EPM2A: variants seen among roughly 807,000 people sequenced by gnomAD.
The protein encoded by EPM2A is laforin.
A neutral mutation model predicts 26.5 loss-of-function variants in EPM2A; 21 were observed. The observed-to-expected ratio is 0.79, with a 90% CI of 0.56 to 1.14. The LOEUF (loss-of-function observed/expected upper bound fraction) is 1.14. EPM2A is among the 50% of genes most tolerant of loss of function. EPM2A has a pLI of 0.00. For synonymous variants in EPM2A, 217 were observed against 177.6 expected (o/e 1.22, Z -1.76); for missense variants, 458 against 440.8 (o/e 1.04, Z -0.35).
chr6:145,458,490 C>G (rs550757664), intron 4 of EPM2A, among the ~76,000 whole-genome samples: 1 of 152,094 alleles, frequency 6.6e-6, no homozygotes, highest in African/African-American at 2.4e-5. Context: ...ATTTATCTCT[C>G]GAGGCATTAG....
chr6:145,571,854 T>A (rs150998316), intron 2 of EPM2A, among the ~76,000 whole-genome samples: 2 of 152,214 alleles, frequency 1.3e-5, no homozygotes, highest in Admixed American at 1.3e-4. Context: ...GAATGGGTCA[T>A]CCTATCCACT....
chr6:145,463,065 A>G (rs1779345988), intron 4 of EPM2A, among the ~76,000 whole-genome samples: 1 of 152,220 alleles, frequency 6.6e-6, no homozygotes, highest in Non-Finnish European at 1.5e-5. Flanking sequence ...TTACATTGTA[A>G]GAATAAATAG....
chr6:145,550,238 A>G (rs1194885101), intron 2 of EPM2A, among the ~76,000 whole-genome samples: 2 of 152,034 alleles, frequency 1.3e-5, no homozygotes, highest in Non-Finnish European at 2.9e-5. Flanking sequence ...CTTCCCAGGA[A>G]TTTTATTAAC....
chr6:145,714,177 A>G (rs1432346520), intron 1 of EPM2A, among the ~76,000 whole-genome samples: 1 of 152,222 alleles, frequency 6.6e-6, no homozygotes, highest in African/African-American at 2.4e-5. Flanking sequence ...TTGTGAATGT[A>G]GAGTTGTCTC....
At chr6:145,501,965 T>C in intron 3 of EPM2A, 1 of 424,896 alleles carries the variant, frequency 2.4e-6, no homozygotes. Context: ...AAAGTCTTAG[T>C]GCTGGAGTAA....
At chr6:145,496,754 G>A (rs1319086974), downstream of EPM2A, among the ~76,000 whole-genome samples, 10 of 56,932 alleles carry the variant, frequency 1.8e-4, no homozygotes, top group South Asian at 4.5e-3. Context: ...TTTTTGAGAC[G>A]GAGTCTCGCT....
chr6:145,389,548 C>T (rs1391656352), intron 4 of EPM2A, among the ~76,000 whole-genome samples: 1 of 152,076 alleles, frequency 6.6e-6, no homozygotes, highest in East Asian at 1.9e-4. Context: ...CTCTCTTTTG[C>T]CTCGTGAATG....
chr6:145,549,130 G>C (rs1780621796), intron 2 of EPM2A, among the ~76,000 whole-genome samples: 1 of 151,972 alleles, frequency 6.6e-6, no homozygotes, highest in Admixed American at 6.6e-5. Context: ...AAAACCCTCA[G>C]GGCAAAATTA....
chr6:145,653,239 G>A (rs554683776), intron 2 of EPM2A, among the ~76,000 whole-genome samples: 5 of 152,274 alleles, frequency 3.3e-5, no homozygotes, highest in South Asian at 4.1e-4. Context: ...TAATGGGGGC[G>A]GGTTTCCCCC....
At chr6:145,513,956 T>G (rs1007099616) in intron 2 of EPM2A, among the ~76,000 whole-genome samples, 2 of 152,200 alleles carry the variant, frequency 1.3e-5, no homozygotes, top group Non-Finnish European at 2.9e-5. Flanking sequence ...GCTCTGTTTC[T>G]ATCTATTGAC....
At chr6:145,423,737 G>A (rs1778819175) in intron 4 of EPM2A, among the ~76,000 whole-genome samples, 1 of 152,144 alleles carries the variant, frequency 6.6e-6, no homozygotes, top group African/African-American at 2.4e-5. Flanking sequence ...GAGTTGGGGG[G>A]TAATCTCAAC....
chr6:145,581,654 CTTGAG>C (rs1347792001), intron 2 of EPM2A, among the ~76,000 whole-genome samples: 16 of 152,136 alleles, frequency 1.1e-4, no homozygotes, highest in African/African-American at 3.9e-4. Flanking sequence ...TTTAATCCAT[CTTGAG>C]TTGAGTTTTT....
upstream of EPM2A, chr6:145,736,012 T>C (rs1776858091): frequency 6.6e-6 from 1 of 152,010 alleles, no homozygotes; most frequent in Admixed American, 6.5e-5. Context: ...AGGTCTCAGG[T>C]TCTTTGTCTG....
rs577280681 is a variant in EPM2A, at chr6:145,420,699, C to A, written c.556-36602G>T. ...GTGTCTACATCTTACTGCCTTAGTT[C>A]ATTTTGTGCTGCCATAACAGAATAC... On this transcript the variant is annotated intron_variant, in intron 4 of 4. Transcript: ENST00000638717. Among the ~76,000 whole-genome samples the A allele has an allele frequency of 2.7e-3, 409 of 152,160 alleles. 2 individuals are homozygous for A. The highest frequency in any genetic ancestry group is 0.014 in the Middle Eastern group (4 of 294).
intron 1 of EPM2A, among the ~76,000 whole-genome samples, chr6:145,733,434 T>C (rs1776612615): frequency 1.3e-5 from 2 of 152,128 alleles, no homozygotes; most frequent in Admixed American, 1.3e-4. Context: ...TTTTAACTTT[T>C]AAAATTATAT....
At chr6:145,686,576 T>C (rs1780932283) in intron 1 of EPM2A, among the ~76,000 whole-genome samples, 1 of 152,166 alleles carries the variant, frequency 6.6e-6, no homozygotes, top group Non-Finnish European at 1.5e-5. Flanking sequence ...CTCAGTGCTC[T>C]AAGAGGCCAT....
intron 4 of EPM2A, among the ~76,000 whole-genome samples, chr6:145,460,642 T>A (rs990451195): frequency 6.6e-6 from 1 of 152,008 alleles, no homozygotes; most frequent in African/African-American, 2.4e-5. Context: ...AGATGCAGAA[T>A]GGGGAATGAT....
intron 2 of EPM2A, among the ~76,000 whole-genome samples, chr6:145,580,798 C>T (rs1168709842): frequency 6.6e-6 from 1 of 152,156 alleles, no homozygotes; most frequent in Non-Finnish European, 1.5e-5. Flanking sequence ...TGTCAATTCA[C>T]TTAGGATAAT....
intron 2 of EPM2A, among the ~76,000 whole-genome samples, chr6:145,646,698 C>T (rs1582959370): frequency 6.6e-6 from 1 of 152,160 alleles, no homozygotes; most frequent in Non-Finnish European, 1.5e-5. Context: ...TGACATACAT[C>T]GCTTTTACTG....
Sources: gnomAD v4.1 joint callset for allele counts (sites outside exome capture counted in the v4.1 genomes callset) on GRCh38, gnomAD v4.1.1 for gene constraint, MANE v1.5 for transcripts, NCBI Gene and HGNC (gene_info 2026-07-23, HGNC 2026-07-21) for gene names.